The following DLG2 variants were observed in gnomAD, a reference collection of about 807,000 sequenced individuals.
DLG2 encodes the protein disks large homolog 2.
In DLG2, 45 loss-of-function variants were observed where a neutral mutation model predicts 132.5. That is an observed-to-expected ratio of 0.34 (90% CI 0.27 to 0.44). The LOEUF (loss-of-function observed/expected upper bound fraction) is 0.44. Among genes scored for constraint, DLG2 ranks in the 20% least tolerant of loss-of-function variants. DLG2 has a pLI of 1.00. For missense variants in DLG2, 1,045 were observed against 1,196.9 expected (o/e 0.87, Z 1.87); for synonymous variants, 424 against 419.6 (o/e 1.01, Z -0.13).
intron 7 of DLG2, among the ~76,000 whole-genome samples, chr11:84,313,681 G>GAAAGAAAT (rs1567261392): frequency 6.7e-6 from 1 of 148,988 alleles, no homozygotes; most frequent in African/African-American, 2.5e-5. Flanking sequence ...AAGAAAGAAA[G>GAAAGAAAT]AAAGAAAAAG....
intron 18 of DLG2, among the ~76,000 whole-genome samples, chr11:83,685,273 A>G (rs2079536166): frequency 6.6e-6 from 1 of 152,186 alleles, no homozygotes; most frequent in South Asian, 2.1e-4. Flanking sequence ...AACAGGTAAC[A>G]TAAAACATTA....
In DLG2 at chr11:83,466,055, AG is replaced by A. The variant is rs1173543567; in HGVS notation, c.2729+652del. ...CAAGTCCTTTGGAGGGGAAAAAAAA[AG>A]AAAAAACCCTGAGTGCACAGGTATG... On this transcript the variant is annotated intron_variant, in intron 26 of 27. Transcript: ENST00000376104. Among the ~76,000 whole-genome samples the A allele has an allele frequency of 3.9e-5, 6 of 152,352 alleles. No homozygotes were observed. In the East Asian group the frequency reaches 9.6e-4, roughly 24 times the overall value.
At chr11:83,871,641 C>T (rs577977970) in intron 16 of DLG2, among the ~76,000 whole-genome samples, 5 of 152,326 alleles carry the variant, frequency 3.3e-5, no homozygotes, top group African/African-American at 7.2e-5. Context: ...ACTATGTGCA[C>T]GTTATCTCTT....
At chr11:84,278,332 T>G (rs76875100) in intron 7 of DLG2, among the ~76,000 whole-genome samples, 3 of 152,216 alleles carry the variant, frequency 2.0e-5, no homozygotes, top group African/African-American at 7.2e-5. Context: ...TATTTGTAAT[T>G]AAAATCATCC....
chr11:84,944,906 T>C (rs896778367), intron 6 of DLG2, among the ~76,000 whole-genome samples: 10 of 152,184 alleles, frequency 6.6e-5, no homozygotes, highest in Non-Finnish European at 1.5e-4. Flanking sequence ...CCCGATCTTG[T>C]TAAGTTTATC....
intron 18 of DLG2, among the ~76,000 whole-genome samples, chr11:83,717,957 A>T (rs1215943963): frequency 6.6e-6 from 1 of 152,238 alleles, no homozygotes; most frequent in African/African-American, 2.4e-5. Context: ...TACTGACTCA[A>T]TAGTAAAGGA....
intron 6 of DLG2, among the ~76,000 whole-genome samples, chr11:84,852,864 G>GA (rs1234336305): frequency 6.6e-6 from 1 of 151,592 alleles, no homozygotes; most frequent in Admixed American, 6.6e-5. Context: ...TGTCTTTCCA[G>GA]AAAAAAATAA....
chr11:84,567,943 T>A (rs2099463841), intron 6 of DLG2, among the ~76,000 whole-genome samples: 1 of 152,134 alleles, frequency 6.6e-6, no homozygotes, highest in Non-Finnish European at 1.5e-5. Flanking sequence ...CTCCCCCAAG[T>A]CAGCACAAAT....
intron 7 of DLG2, among the ~76,000 whole-genome samples, chr11:84,297,097 TACTC>T (rs1193250036): frequency 1.4e-5 from 2 of 146,466 alleles, no homozygotes; most frequent in Non-Finnish European, 3.0e-5. Context: ...ATAAGATCAA[TACTC>T]ACCCATGTGA....
rs922159145 is a variant in DLG2 at position 84,703,854 on chromosome 11, G to A, written c.358-169123C>T. Among the ~76,000 whole-genome samples, 10 of 80,222 alleles carry A rather than the reference G, an allele frequency of 1.2e-4. No homozygotes were observed. The East Asian group carries it at 3.0e-3, about 24-fold the overall frequency. 52.6% of individuals were successfully genotyped at this position (80,222 alleles called of 152,430 possible). A position where few individuals can be genotyped will look rare whatever the true frequency, so the allele number is the denominator to read the frequency against. On this transcript the variant is annotated intron_variant, in intron 6 of 27. Transcript: ENST00000376104. The stretch of plus-strand genomic sequence containing the variant: ...GAAAATAATGCTAAAACTATGTAGT[G>A]AAGATATATATATATATATATATAT...
intron 18 of DLG2, among the ~76,000 whole-genome samples, chr11:83,782,147 C>T (rs1433658908): frequency 6.6e-6 from 1 of 152,130 alleles, no homozygotes. Context: ...AAAACTGTGT[C>T]AACACCAAAT....
At chr11:84,724,891 A>G (rs1003358698) in intron 6 of DLG2, among the ~76,000 whole-genome samples, 1 of 152,184 alleles carries the variant, frequency 6.6e-6, no homozygotes, top group African/African-American at 2.4e-5. Context: ...ATAGAAGAGT[A>G]GCCACTATCT....
At chr11:83,492,034 C>G (rs1400349033) in intron 21 of DLG2, among the ~76,000 whole-genome samples, 1 of 152,054 alleles carries the variant, frequency 6.6e-6, no homozygotes, top group African/African-American at 2.4e-5. Context: ...CTACCTATGA[C>G]TAGTGCTACA....
At chr11:85,339,627 C>T (rs2082352215) in intron 3 of DLG2, among the ~76,000 whole-genome samples, 1 of 152,188 alleles carries the variant, frequency 6.6e-6, no homozygotes. Context: ...TATTTCTGTG[C>T]CACTTTTATT....
At chr11:84,679,909 A>G (rs937866268) in intron 6 of DLG2, among the ~76,000 whole-genome samples, 1 of 152,146 alleles carries the variant, frequency 6.6e-6, no homozygotes, top group African/African-American at 2.4e-5. Context: ...ATCAGAGAGT[A>G]TATACAGATG....
intron 3 of DLG2, among the ~76,000 whole-genome samples, chr11:85,445,365 T>C (rs755144501): frequency 3.3e-5 from 5 of 152,040 alleles, no homozygotes; most frequent in Admixed American, 2.0e-4. Context: ...ACAAAGCCCA[T>C]TGTGATAGGA....
intron 6 of DLG2, among the ~76,000 whole-genome samples, chr11:85,107,554 C>T (rs978585813): frequency 6.6e-5 from 10 of 151,968 alleles, no homozygotes; most frequent in African/African-American, 2.4e-4. Flanking sequence ...TAATTCTTAG[C>T]CTAGTTCACC....
intron 3 of DLG2, among the ~76,000 whole-genome samples, chr11:85,494,794 C>A: frequency 6.6e-6 from 1 of 151,120 alleles, no homozygotes. Context: ...TGAAGCTCTT[C>A]AAAGAAACAT....
chr11:85,415,989 T>C (rs1390017224), intron 3 of DLG2, among the ~76,000 whole-genome samples: 2 of 152,236 alleles, frequency 1.3e-5, no homozygotes, highest in African/African-American at 4.8e-5. Flanking sequence ...TCTTCTATGG[T>C]TTTTACGGTT....
Sources: gnomAD v4.1 joint callset for allele counts (sites outside exome capture counted in the v4.1 genomes callset) on GRCh38, gnomAD v4.1.1 for gene constraint, MANE v1.5 for transcripts, NCBI Gene and HGNC (gene_info 2026-07-23, HGNC 2026-07-21) for gene names.